Variants in ARSB observed in about 807,000 individuals in gnomAD.
ARSB encodes arylsulfatase B.
A neutral mutation model predicts 50.9 loss-of-function variants in ARSB; 41 were observed. The ratio of observed to expected loss-of-function variants is 0.81; its 90% confidence interval spans 0.63 to 1.04. The LOEUF (loss-of-function observed/expected upper bound fraction) is 1.04. ARSB is among the 50% of genes least tolerant of loss of function. ARSB has a pLI of 0.00. For missense variants in ARSB, 672 were observed against 693.3 expected (o/e 0.97, Z 0.35); for synonymous variants, 269 against 284.8 (o/e 0.94, Z 0.56).
At position 78,778,583 on chromosome 5, in the gene ARSB, T is replaced by C. The variant is rs572343080; in HGVS notation, c.*1814A>G. Reference sequence around the variant, plus strand: ...TGTGACTGCCCAGTGATGTAGATTATGCTCCTACCCCAGGAGGGGCAGCTT... The same window carrying C: ...TGTGACTGCCCAGTGATGTAGATTACGCTCCTACCCCAGGAGGGGCAGCTT... On this transcript the variant is annotated 3_prime_UTR_variant, in exon 8 of 8. Transcript: ENST00000264914. The C allele has an allele frequency of 6.6e-6, 1 of 152,362 alleles. No individual in the cohort carries two copies. The highest frequency in any genetic ancestry group is 1.9e-4 in the East Asian group (1 of 5,186). The allele number at this position is 152,362 out of a possible 1,614,324, so 9.4% of individuals were successfully genotyped here.
intron 6 of ARSB, among the ~76,000 whole-genome samples, chr5:78,811,024 C>CAA (rs1743789288): frequency 6.6e-6 from 1 of 152,140 alleles, no homozygotes; most frequent in African/African-American, 2.4e-5. Flanking sequence ...GAAAAAATGT[C>CAA]CAGAGCTGTA....
chr5:78,854,044 T>C (rs113677472), intron 5 of ARSB, among the ~76,000 whole-genome samples: 19,308 of 152,286 alleles, frequency 0.13, 1,409 homozygotes, highest in Middle Eastern at 0.21. Context: ...TGCTTAGGCT[T>C]GCGCATGGTG....
chr5:78,857,236 A>G (rs1746193016), intron 5 of ARSB, among the ~76,000 whole-genome samples: 1 of 152,190 alleles, frequency 6.6e-6, no homozygotes, highest in Admixed American at 6.5e-5. Context: ...TTTAATTTCT[A>G]AGACATTTTA....
intron 6 of ARSB, among the ~76,000 whole-genome samples, chr5:78,809,793 G>A (rs192518365): frequency 3.3e-5 from 5 of 152,362 alleles, no homozygotes; most frequent in East Asian, 3.9e-4. Flanking sequence ...TCTCCACTGC[G>A]GGCCTGTAGG....
At chr5:78,782,443 G>T (rs1175597037) in intron 6 of ARSB, among the ~76,000 whole-genome samples, 4 of 152,186 alleles carry the variant, frequency 2.6e-5, no homozygotes, top group Non-Finnish European at 5.9e-5. Context: ...AGAGTACAAA[G>T]ACTTATTTTT....
chr5:78,938,111 G>A (rs1390735425), intron 4 of ARSB, among the ~76,000 whole-genome samples: 1 of 152,148 alleles, frequency 6.6e-6, no homozygotes, highest in Admixed American at 6.5e-5. Context: ...GAAGCAACAC[G>A]AGTACCCAAA....
At chr5:78,841,816 G>GA (rs1467679908) in intron 5 of ARSB, among the ~76,000 whole-genome samples, 25 of 152,126 alleles carry the variant, frequency 1.6e-4, no homozygotes, top group Non-Finnish European at 2.9e-5. Context: ...TGATTGTTAG[G>GA]AAAAATCTTC....
At chr5:78,983,869 C>A (rs1158723580) in intron 1 of ARSB, among the ~76,000 whole-genome samples, 1 of 152,178 alleles carries the variant, frequency 6.6e-6, no homozygotes, top group Non-Finnish European at 1.5e-5. Flanking sequence ...AAATATATAT[C>A]CCCTGTCAGT....
At chr5:78,980,453 T>A (rs532107423) in intron 1 of ARSB, among the ~76,000 whole-genome samples, 1 of 152,344 alleles carries the variant, frequency 6.6e-6, no homozygotes, top group South Asian at 2.1e-4. Context: ...GGAAACAACC[T>A]ACATGTTCAT....
chr5:78,908,731 C>CTTTTT (rs34571367), intron 4 of ARSB, among the ~76,000 whole-genome samples: 3 of 140,410 alleles, frequency 2.1e-5, no homozygotes, highest in African/African-American at 5.3e-5. Flanking sequence ...CTGGCCAAGA[C>CTTTTT]TTTTTTTTTT....
At chr5:78,787,336 A>G (rs578262508) in intron 6 of ARSB, among the ~76,000 whole-genome samples, 1 of 152,084 alleles carries the variant, frequency 6.6e-6, no homozygotes, top group East Asian at 1.9e-4. Flanking sequence ...GAGTCCTCCC[A>G]CTTTTATTTT....
At chr5:78,970,849 T>C (rs972978356) in intron 1 of ARSB, among the ~76,000 whole-genome samples, 1 of 151,958 alleles carries the variant, frequency 6.6e-6, no homozygotes, top group Non-Finnish European at 1.5e-5. Flanking sequence ...TAGTCCCAGC[T>C]ACCAAGGAGA....
rs1208976878 is a variant in ARSB at position 78,779,790 on chromosome 5, A to C, written c.*607T>G. 2 of 153,720 alleles carry C rather than the reference A, an allele frequency of 1.3e-5. No individual in the cohort carries two copies. The highest frequency in any genetic ancestry group is 2.9e-5 in the Non-Finnish European group (2 of 69,216). The allele number at this position is 153,720 out of a possible 1,614,324, so 9.5% of individuals were successfully genotyped here. ...GGGAAATAAATTACGATAAAAACAC[A>C]TTTCTTTATTTTAAAAGCCACAGTC... On this transcript the variant is annotated 3_prime_UTR_variant, in exon 8 of 8. Transcript: ENST00000264914.
intron 5 of ARSB, among the ~76,000 whole-genome samples, chr5:78,872,130 C>T (rs1747224132): frequency 6.8e-6 from 1 of 148,054 alleles, no homozygotes; most frequent in African/African-American, 2.4e-5. Flanking sequence ...CATCTCACAC[C>T]AGTTAGAACG....
chr5:78,940,250 T>C (rs1750844326), intron 4 of ARSB, among the ~76,000 whole-genome samples: 1 of 152,220 alleles, frequency 6.6e-6, no homozygotes, highest in Non-Finnish European at 1.5e-5. Context: ...ACTCTGATGG[T>C]AGTTTCTTTT....
At chr5:78,915,728 G>A (rs769732829) in intron 4 of ARSB, among the ~76,000 whole-genome samples, 16 of 152,250 alleles carry the variant, frequency 1.1e-4, no homozygotes, top group Middle Eastern at 6.8e-3. Flanking sequence ...TCTTGGGGCT[G>A]GGATCAAATC....
chr5:78,952,460 TC>T (rs1751529363), intron 4 of ARSB, among the ~76,000 whole-genome samples: 1 of 151,990 alleles, frequency 6.6e-6, no homozygotes, highest in South Asian at 2.1e-4. Context: ...CCTCAGCCCC[TC>T]CAGTAGCTTG....
chr5:78,904,166 G>T (rs1301209404), intron 4 of ARSB, among the ~76,000 whole-genome samples: 1 of 152,204 alleles, frequency 6.6e-6, no homozygotes, highest in Non-Finnish European at 1.5e-5. Context: ...GCTAATGTGT[G>T]TATCAACAGT....
At chr5:78,784,586 C>A (rs55833886) in intron 6 of ARSB, among the ~76,000 whole-genome samples, 14,250 of 152,120 alleles carry the variant, frequency 0.094, 732 homozygotes, top group Middle Eastern at 0.2. Context: ...GGTATAGGAC[C>A]ATTTAGATCT....
Sources: allele counts gnomAD v4.1 joint callset (sites outside exome capture counted in the v4.1 genomes callset), GRCh38; gene constraint gnomAD v4.1.1; transcripts MANE v1.5; gene names NCBI Gene and HGNC (gene_info 2026-07-23, HGNC 2026-07-21).